The following C1GALT1 variants were observed in gnomAD, a reference collection of about 807,000 sequenced individuals.
The protein encoded by C1GALT1 is core 1 synthase, glycoprotein-N-acetylgalactosamine 3-beta-galactosyltransferase 1.
A neutral mutation model predicts 31.0 loss-of-function variants in C1GALT1; 11 were observed. That is an observed-to-expected ratio of 0.36 (90% CI 0.22 to 0.59). The LOEUF is 0.59. C1GALT1 is among the 20% of genes least tolerant of loss of function. The pLI is 0.79. For missense variants in C1GALT1, 424 were observed against 425.2 expected, an observed-to-expected ratio of 1.00 and a Z score of 0.03; for synonymous variants, 175 against 143.6, an observed-to-expected ratio of 1.22 and a Z score of -1.56.
chr7:7,204,967 T>A (rs933793810), intron 1 of C1GALT1, among the ~76,000 whole-genome samples: 1 of 152,188 alleles, frequency 6.6e-6, no homozygotes, highest in African/African-American at 2.4e-5. Flanking sequence ...TCCTGGGAAA[T>A]ATCCCCTGTG....
In C1GALT1 at chr7:7,202,544, G is replaced by C. The variant is rs1781567422; in HGVS notation, c.-18+19724G>C. Reference sequence around the variant, plus strand: ...AAATCCTTTGACCATAAAGTGAGATGCTTTTTTTCCTCTGAATTCTTTATT... The same window carrying C: ...AAATCCTTTGACCATAAAGTGAGATCCTTTTTTTCCTCTGAATTCTTTATT... On this transcript the variant is annotated intron_variant, in intron 1 of 3. Transcript: ENST00000436587. Among the ~76,000 whole-genome samples the C allele has an allele frequency of 3.3e-5, 5 of 152,126 alleles. 1 individual carries two copies. In the South Asian group the frequency reaches 1.0e-3, roughly 32 times the overall value.
chr7:7,183,329 AGC>A (rs1780671105), intron 1 of C1GALT1, among the ~76,000 whole-genome samples: 1 of 151,908 alleles, frequency 6.6e-6, no homozygotes, highest in African/African-American at 2.4e-5. Context: ...GCGCCGCCTG[AGC>A]GCCCAGCGAG....
chr7:7,187,655 G>T (rs922072886), intron 1 of C1GALT1, among the ~76,000 whole-genome samples: 2 of 152,170 alleles, frequency 1.3e-5, no homozygotes, highest in African/African-American at 2.4e-5. Flanking sequence ...GAGTTATCCA[G>T]CTCTTAATGT....
chr7:7,162,744 T>C (rs1479822575), intron 2 of C1GALT1, among the ~76,000 whole-genome samples: 3 of 152,014 alleles, frequency 2.0e-5, no homozygotes, highest in African/African-American at 7.2e-5. Context: ...AGTGTAAAAG[T>C]GTTCCTATTT....
At chr7:7,220,293 T>A (rs928584647) in intron 1 of C1GALT1, among the ~76,000 whole-genome samples, 1 of 152,246 alleles carries the variant, frequency 6.6e-6, no homozygotes, top group African/African-American at 2.4e-5. Flanking sequence ...GAATAATTAC[T>A]CAGTGTTAGC....
At chr7:7,227,437 A>G (rs1782816307) in intron 1 of C1GALT1, among the ~76,000 whole-genome samples, 1 of 152,140 alleles carries the variant, frequency 6.6e-6, no homozygotes, top group South Asian at 2.1e-4. Context: ...AAAGAAAGGG[A>G]AGGCCGGGCG....
At chr7:7,168,378 A>C in intron 2 of C1GALT1, among the ~76,000 whole-genome samples, 1 of 152,224 alleles carries the variant, frequency 6.6e-6, no homozygotes, top group South Asian at 2.1e-4. Context: ...TATCTTAAAA[A>C]ATACCACCTG....
At position 7,219,509 on chromosome 7, in the gene C1GALT1, A is replaced by G. The variant is rs142594515; in HGVS notation, c.-17-14794A>G. ...TGTTGTGAATCTAAAACTACTCTGA[A>G]AAAAATAAAGCCTTAAAAATTTTTC... On this transcript the variant is annotated intron_variant, in intron 1 of 3. Coordinates refer to ENST00000436587, the MANE Select transcript of C1GALT1 (RefSeq NM_020156.5). 2.5e-3 allele frequency among the ~76,000 whole-genome samples: 374 copies of G among 152,324 alleles called. 1 individual carries two copies. The highest frequency in any genetic ancestry group is 8.6e-3 in the African/African-American group (356 of 41,578).
intron 1 of C1GALT1, among the ~76,000 whole-genome samples, chr7:7,222,732 A>G (rs938093153): frequency 6.6e-6 from 1 of 152,232 alleles, no homozygotes; most frequent in Non-Finnish European, 1.5e-5. Context: ...ATGGCGTTAT[A>G]GTTTTTAAGA....
chr7:7,228,553 G>A (rs769187025), intron 1 of C1GALT1, among the ~76,000 whole-genome samples: 1 of 152,094 alleles, frequency 6.6e-6, no homozygotes. Flanking sequence ...AAATCTGAGT[G>A]AGCTTTGGGA....
intron 1 of C1GALT1, among the ~76,000 whole-genome samples, chr7:7,231,475 G>GT (rs890235668): frequency 4.0e-5 from 6 of 151,766 alleles, no homozygotes; most frequent in African/African-American, 7.3e-5. Flanking sequence ...ACTTTATTCT[G>GT]TTTTTTTGCT....
chr7:7,202,612 T>G (rs2128236109), intron 1 of C1GALT1, among the ~76,000 whole-genome samples: 1 of 152,312 alleles, frequency 6.6e-6, no homozygotes, highest in South Asian at 2.1e-4. Flanking sequence ...ACTGCACTAT[T>G]TTTATTAACG....
At chr7:7,204,069 T>C (rs530350825) in intron 1 of C1GALT1, among the ~76,000 whole-genome samples, 1 of 151,430 alleles carries the variant, frequency 6.6e-6, no homozygotes, top group African/African-American at 2.4e-5. Flanking sequence ...CCTCACAGAA[T>C]AAGTCAGGAA....
At chr7:7,201,819 C>T (rs1214459764) in intron 1 of C1GALT1, among the ~76,000 whole-genome samples, 17 of 152,206 alleles carry the variant, frequency 1.1e-4, no homozygotes, top group Admixed American at 1.1e-3. Flanking sequence ...GGTTTCTTTG[C>T]TGCTTTCTGC....
At chr7:7,192,710 G>T (rs1781128129) in intron 1 of C1GALT1, among the ~76,000 whole-genome samples, 1 of 151,974 alleles carries the variant, frequency 6.6e-6, no homozygotes, top group African/African-American at 2.4e-5. Context: ...TCTACTTTTG[G>T]TTCCTTAAGG....
chr7:7,181,283 T>C (rs1010618051), upstream of C1GALT1, among the ~76,000 whole-genome samples: 3 of 92,392 alleles, frequency 3.2e-5, no homozygotes, highest in Non-Finnish European at 6.9e-5. Flanking sequence ...GGGAGGAGGC[T>C]GAGCAACAAC....
chr7:7,179,842 T>C (rs1681792655), upstream of C1GALT1, among the ~76,000 whole-genome samples: 1 of 143,974 alleles, frequency 6.9e-6, no homozygotes, highest in Non-Finnish European at 1.5e-5. Flanking sequence ...TCCAGTATCA[T>C]GTCCCTGTTT....
chr7:7,207,921 C>A (rs568812447), intron 1 of C1GALT1, among the ~76,000 whole-genome samples: 1 of 151,968 alleles, frequency 6.6e-6, no homozygotes, highest in Non-Finnish European at 1.5e-5. Flanking sequence ...CCCTCTTTAT[C>A]CCTGCTTCCA....
intron 3 of C1GALT1, among the ~76,000 whole-genome samples, chr7:7,240,304 C>A (rs913869568): frequency 6.6e-6 from 1 of 152,184 alleles, no homozygotes; most frequent in African/African-American, 2.4e-5. Flanking sequence ...CAAAGAATTA[C>A]TCTAGCCCAA....
Sources: allele counts gnomAD v4.1 joint callset (sites outside exome capture counted in the v4.1 genomes callset), GRCh38; gene constraint gnomAD v4.1.1; transcripts MANE v1.5; gene names NCBI Gene and HGNC (gene_info 2026-07-23, HGNC 2026-07-21).